HDAC9: variants seen among roughly 807,000 people sequenced by gnomAD.
HDAC9 encodes the protein histone deacetylase 9.
Under a neutral mutation model 139.4 loss-of-function variants are expected in HDAC9, and 41 were observed. The observed-to-expected ratio is 0.29, with a 90% CI of 0.23 to 0.38. HDAC9 has a LOEUF of 0.38. HDAC9 is among the 10% of genes least tolerant of loss of function. The pLI, the probability that HDAC9 is intolerant of heterozygous loss-of-function variation, is 1.00. For missense variants in HDAC9, 1,147 were observed against 1,297.0 expected (o/e 0.88, Z 1.78); for synonymous variants, 517 against 476.2 (o/e 1.09, Z -1.12).
intron 1 of HDAC9, among the ~76,000 whole-genome samples, chr7:18,391,612 C>G (rs1786496402): frequency 6.6e-6 from 1 of 152,154 alleles, no homozygotes; most frequent in Admixed American, 6.5e-5. Context: ...AATAGTGTTA[C>G]CCAGAAGACA....
intron 14 of HDAC9, among the ~76,000 whole-genome samples, chr7:18,761,030 C>A (rs953444590): frequency 2.6e-5 from 4 of 152,148 alleles, no homozygotes; most frequent in East Asian, 1.9e-4. Context: ...AACAGATTCT[C>A]CTTGAATTTC....
chr7:18,333,790 TAAAG>T (rs1485122440), intron 1 of HDAC9, among the ~76,000 whole-genome samples: 1 of 151,448 alleles, frequency 6.6e-6, no homozygotes, highest in Non-Finnish European at 1.5e-5. Context: ...AATATAAAGT[TAAAG>T]AATCAGTAAA....
intron 1 of HDAC9, among the ~76,000 whole-genome samples, chr7:18,133,407 G>C (rs761500124): frequency 6.6e-6 from 1 of 152,088 alleles, no homozygotes; most frequent in South Asian, 2.1e-4. Flanking sequence ...GAGAAGACTT[G>C]TCAAATATCC....
chr7:18,733,065 G>GTGTGTATACATGTATA (rs1786481287), intron 13 of HDAC9, among the ~76,000 whole-genome samples: 1 of 142,980 alleles, frequency 7.0e-6, no homozygotes, highest in African/African-American at 2.6e-5. Flanking sequence ...GTGTATATAC[G>GTGTGTATACATGTATA]TATATACACA....
chr7:18,167,676 A>AG (rs1247846808), intron 2 of HDAC9, among the ~76,000 whole-genome samples: 1 of 152,178 alleles, frequency 6.6e-6, no homozygotes, highest in Non-Finnish European at 1.5e-5. Flanking sequence ...GGGAAATTGA[A>AG]GAGGTGCATT....
intron 17 of HDAC9, among the ~76,000 whole-genome samples, chr7:18,814,056 C>A (rs1379273519): frequency 6.6e-6 from 1 of 152,186 alleles, no homozygotes; most frequent in Non-Finnish European, 1.5e-5. Context: ...TGGCTTCAGA[C>A]TGTCGGGATT....
chr7:18,462,500 T>G (rs971738589), intron 1 of HDAC9, among the ~76,000 whole-genome samples: 7 of 152,080 alleles, frequency 4.6e-5, no homozygotes, highest in African/African-American at 1.7e-4. Flanking sequence ...TGCATTAGAA[T>G]TATAGCAAGC....
At chr7:18,438,649 T>C (rs1305838029) in intron 1 of HDAC9, among the ~76,000 whole-genome samples, 1 of 110,996 alleles carries the variant, frequency 9.0e-6, no homozygotes, top group Non-Finnish European at 2.0e-5. Context: ...TGTGTGCGTG[T>C]GTGTGTGTGT....
chr7:18,967,894 G>A (rs1168596931), intron 24 of HDAC9, among the ~76,000 whole-genome samples: 1 of 152,206 alleles, frequency 6.6e-6, no homozygotes, highest in East Asian at 1.9e-4. Context: ...CGGGCACAGT[G>A]GCTCATGCCT....
chr7:18,611,375 CTT>C (rs1464774986), intron 6 of HDAC9, among the ~76,000 whole-genome samples: 1 of 152,050 alleles, frequency 6.6e-6, no homozygotes, highest in Non-Finnish European at 1.5e-5. Flanking sequence ...TGTTAACAGA[CTT>C]ATATAGTAGA....
At chr7:18,092,872 A>G (rs534146096) in intron 1 of HDAC9, among the ~76,000 whole-genome samples, 2 of 152,328 alleles carry the variant, frequency 1.3e-5, no homozygotes, top group South Asian at 2.1e-4. Flanking sequence ...ATGAATCACT[A>G]CACATACATT....
intron 22 of HDAC9, among the ~76,000 whole-genome samples, chr7:18,901,221 T>C (rs201523121): frequency 0.046 from 5,627 of 123,072 alleles, 246 homozygotes; most frequent in African/African-American, 0.13. Context: ...TATATATATA[T>C]ACACACACAC....
At chr7:18,500,193 T>C (rs1798010019) in intron 2 of HDAC9, among the ~76,000 whole-genome samples, 1 of 152,046 alleles carries the variant, frequency 6.6e-6, no homozygotes, top group Non-Finnish European at 1.5e-5. Context: ...AGTAAGAAAA[T>C]CCAATAAAAC....
intron 6 of HDAC9, among the ~76,000 whole-genome samples, chr7:18,626,259 C>T (rs368738965): frequency 6.6e-6 from 1 of 152,098 alleles, no homozygotes; most frequent in African/African-American, 2.4e-5. Flanking sequence ...AGTTATGCAG[C>T]ACTGTGACAG....
intron 2 of HDAC9, among the ~76,000 whole-genome samples, chr7:18,578,798 A>G (rs1301317652): frequency 6.6e-6 from 1 of 152,214 alleles, no homozygotes; most frequent in Non-Finnish European, 1.5e-5. Context: ...TTGGATCTTC[A>G]GCCCTCAAGA....
chr7:18,950,733 G>C (rs545260653), intron 23 of HDAC9, among the ~76,000 whole-genome samples: 15 of 152,010 alleles, frequency 9.9e-5, no homozygotes, highest in Admixed American at 2.6e-4. Flanking sequence ...TGAGGAGCAC[G>C]CAATATTTGC....
rs1216297375 is a variant in HDAC9 at position 18,142,695 on chromosome 7, T to C, written c.-96-19534T>C. 3.9e-5 allele frequency among the ~76,000 whole-genome samples: 6 copies of C among 152,352 alleles called. No homozygotes were observed. In the East Asian group the frequency reaches 1.2e-3, roughly 29 times the overall value. On this transcript the variant is annotated intron_variant, in intron 1 of 12. Transcript: ENST00000417496. ...ATTCTAATGACTTTGCAGCTTGCCC[T>C]TGGGCCCAGGCCTTTGATTTCAGGT...
chr7:18,988,622 T>G (rs1209441042), intron 25 of HDAC9, among the ~76,000 whole-genome samples: 9 of 152,254 alleles, frequency 5.9e-5, no homozygotes, highest in East Asian at 5.8e-4. Flanking sequence ...TATCCTTGTT[T>G]ACTTTCTGTC....
At chr7:18,099,595 A>G (rs1456343182) in intron 1 of HDAC9, among the ~76,000 whole-genome samples, 4 of 152,236 alleles carry the variant, frequency 2.6e-5, no homozygotes, top group Non-Finnish European at 5.9e-5. Flanking sequence ...AACAAACATC[A>G]TATATTCACC....
Sources: allele counts gnomAD v4.1 joint callset (sites outside exome capture counted in the v4.1 genomes callset), GRCh38; gene constraint gnomAD v4.1.1; transcripts MANE v1.5; gene names NCBI Gene and HGNC (gene_info 2026-07-23, HGNC 2026-07-21).